Variants in CRACR2A observed in about 807,000 individuals in gnomAD.
CRACR2A encodes the protein calcium release activated channel regulator 2A.
In CRACR2A, 79 loss-of-function variants were observed where a neutral mutation model predicts 90.5. The ratio of observed to expected loss-of-function variants is 0.87; its 90% CI spans 0.73 to 1.05. The LOEUF is 1.05. Ranked by LOEUF, CRACR2A falls within the 50% of genes least tolerant of loss-of-function variation. The pLI is 0.00. For synonymous variants in CRACR2A, 338 were observed against 356.7 expected (o/e 0.95, Z 0.59); for missense variants, 823 against 897.2 (o/e 0.92, Z 1.06).
At chr12:3,738,079 G>A (rs1378001348) in intron 1 of CRACR2A, among the ~76,000 whole-genome samples, 1 of 152,196 alleles carries the variant, frequency 6.6e-6, no homozygotes, top group East Asian at 1.9e-4. Flanking sequence ...AGTGCATTCA[G>A]TACATGTGGG....
At chr12:3,662,623 G>A (rs17697873) in intron 7 of CRACR2A, among the ~76,000 whole-genome samples, 22,319 of 152,200 alleles carry the variant, frequency 0.15, 1,826 homozygotes, top group South Asian at 0.26. Flanking sequence ...AGGATAAAAG[G>A]CCTGCTGGGT....
chr12:3,654,699 G>A (rs758291366), intron 9 of CRACR2A, among the ~76,000 whole-genome samples: 18 of 152,176 alleles, frequency 1.2e-4, no homozygotes, highest in Admixed American at 4.6e-4. Context: ...TCCACAATCC[G>A]TCTGTGTGAA....
At chr12:3,689,232 G>C (rs988291820) in intron 4 of CRACR2A, among the ~76,000 whole-genome samples, 1 of 152,172 alleles carries the variant, frequency 6.6e-6, no homozygotes, top group Non-Finnish European at 1.5e-5. Flanking sequence ...ATAGTATGTT[G>C]AATAGGAGTG....
Position 3,696,796 on chromosome 12 carries a change from G to GC in CRACR2A, c.203dup (p.Phe69LeufsTer12), listed in dbSNP as rs763401174. On this transcript the variant is annotated frameshift_variant, in exon 4 of 20. Coordinates refer to ENST00000440314, the MANE Select transcript of CRACR2A (RefSeq NM_001144958.2). LOFTEE classifies it high-confidence loss of function. ...CCTGCATATCCTTCCTGGCGATGAA[G>GC]CCCTTGCCTTCAGCATCACAGGTCT... is the stretch of plus-strand genomic sequence containing the variant. 6.2e-7 allele frequency: 1 copy of GC among 1,614,184 alleles called. No individual in the cohort carries two copies. Among genetic ancestry groups the GC allele is most frequent in the African/African-American group, 1.3e-5 (1 of 75,042 alleles).
intron 5 of CRACR2A, 123 bp downstream of exon 5, chr12:3,680,115 C>G (rs1262114875): frequency 2.8e-6 from 2 of 713,454 alleles, no homozygotes; most frequent in African/African-American, 3.5e-5. Flanking sequence ...GCTCCAGGTC[C>G]CTGAAAGGAG....
chr12:3,750,691 C>T (rs1946690306), intron 1 of CRACR2A, among the ~76,000 whole-genome samples: 1 of 152,142 alleles, frequency 6.6e-6, no homozygotes, highest in South Asian at 2.1e-4. Flanking sequence ...GAGATGTGAA[C>T]TCAGTGGGTG....
intron 10 of CRACR2A, among the ~76,000 whole-genome samples, chr12:3,653,105 C>T (rs1483582703): frequency 6.6e-6 from 1 of 152,160 alleles, no homozygotes; most frequent in Non-Finnish European, 1.5e-5. Flanking sequence ...GCCTCAGCCT[C>T]CCGAGTAGCT....
chr12:3,725,100 A>G (rs755854541), intron 2 of CRACR2A, among the ~76,000 whole-genome samples: 59 of 152,154 alleles, frequency 3.9e-4, no homozygotes, highest in Non-Finnish European at 7.3e-4. Context: ...CCCTCCAGCC[A>G]GGCCTCCCTG....
At chr12:3,683,530 T>G (rs1362890736) in intron 4 of CRACR2A, among the ~76,000 whole-genome samples, 1 of 152,200 alleles carries the variant, frequency 6.6e-6, no homozygotes, top group East Asian at 1.9e-4. Context: ...CCTCACTCTT[T>G]CTTCACTCTC....
intron 1 of CRACR2A, among the ~76,000 whole-genome samples, chr12:3,749,372 G>A (rs1215033862): frequency 1.3e-5 from 2 of 152,178 alleles, no homozygotes; most frequent in African/African-American, 4.8e-5. Context: ...TGTCCACCTG[G>A]TTATCTCCCT....
At chr12:3,686,326 A>C (rs776464342) in intron 4 of CRACR2A, among the ~76,000 whole-genome samples, 59 of 152,322 alleles carry the variant, frequency 3.9e-4, no homozygotes, top group Admixed American at 6.5e-4. Context: ...TAGCCACGGA[A>C]AACACATAAA....
At chr12:3,723,343 C>T (rs1299546652) in intron 2 of CRACR2A, among the ~76,000 whole-genome samples, 3 of 152,186 alleles carry the variant, frequency 2.0e-5, no homozygotes. Flanking sequence ...GACACTGTTT[C>T]TCTCCATGGT....
At chr12:3,641,405 G>A (rs780023324) in intron 13 of CRACR2A, among the ~76,000 whole-genome samples, 11 of 152,204 alleles carry the variant, frequency 7.2e-5, no homozygotes, top group Non-Finnish European at 1.5e-4. Flanking sequence ...GCAGACAGCA[G>A]TGTAGTGCTA....
chr12:3,666,316 C>T lies in CRACR2A; in HGVS notation c.672-6662G>A, dbSNP rs1229538750. 5.9e-5 allele frequency among the ~76,000 whole-genome samples: 8 copies of T among 136,214 alleles called. No homozygotes were observed. The East Asian group carries it at 1.8e-3, about 30-fold the overall frequency. 89.4% of individuals were successfully genotyped at this position (136,214 alleles called of 152,430 possible). ...ATCTGGTTCTGGCAAATGTCCCTCCCTAAAGGACGGCTGCGTGTGTGTGTG... is the reference window on the plus strand; with the variant it reads ...ATCTGGTTCTGGCAAATGTCCCTCCTTAAAGGACGGCTGCGTGTGTGTGTG... On this transcript the variant is annotated intron_variant, in intron 7 of 19. Coordinates refer to ENST00000440314, the MANE Select transcript of CRACR2A (RefSeq NM_001144958.2).
At position 3,627,533 on chromosome 12, in the gene CRACR2A, T is replaced by G; in HGVS notation, c.1835A>C (p.Gln612Pro). ...ACCATCTGCCTTTCTGAAGAACTGC[T>G]GGGTGATGCACCGGTACCTGCCACA... ...AGQERYRCIT[Q>P]QFFRKADGVI... is the part of the protein sequence containing the mutation. Residue 612 changes from glutamine (Q) to proline (P), a missense_variant, in exon 17 of 20, where the codon CAG (glutamine) becomes CCG (proline). Gln to Pro is a moderately conservative substitution (Grantham distance 76). Coordinates refer to ENST00000440314, the MANE Select transcript of CRACR2A (RefSeq NM_001144958.2). 1 of 1,551,638 alleles carries G rather than the reference T, an allele frequency of 6.4e-7. No homozygotes were observed.
intron 1 of CRACR2A, among the ~76,000 whole-genome samples, chr12:3,745,798 A>AATAAT (rs1946608777): frequency 3.3e-4 from 2 of 6,026 alleles, no homozygotes; most frequent in African/African-American, 9.4e-4. Context: ...AATAAAATAA[A>AATAAT]ATAAAATAAA....
At chr12:3,664,563 A>C (rs1031913412) in intron 7 of CRACR2A, among the ~76,000 whole-genome samples, 1 of 152,196 alleles carries the variant, frequency 6.6e-6, no homozygotes, top group African/African-American at 2.4e-5. Context: ...TTATTACTTC[A>C]AAACATTCCC....
At position 3,680,311 on chromosome 12, in the gene CRACR2A, C is replaced by T. The variant is rs769075331; in HGVS notation, c.267G>A (p.Leu89=). The T allele has an allele frequency of 6.2e-7, 1 of 1,614,202 alleles. No homozygotes were observed. The highest frequency in any genetic ancestry group is 1.1e-5 in the South Asian group (1 of 91,088). The change falls in exon 5 of 20, where the codon CTG becomes CTA. Residue 89 remains leucine (L), a synonymous_variant. Coordinates refer to ENST00000440314, the MANE Select transcript of CRACR2A (RefSeq NM_001144958.2). ...CATCCAGGGCATCAAACACATCCTCCAGTTCCTCCAGGCTGAGCGGTAGCT... is the reference window on the plus strand; with the variant it reads ...CATCCAGGGCATCAAACACATCCTCTAGTTCCTCCAGGCTGAGCGGTAGCT... The part of the protein sequence containing the change: ...HKELPLSLEE[L]EDVFDALDAD...
intron 4 of CRACR2A, among the ~76,000 whole-genome samples, chr12:3,680,714 G>T (rs556187661): frequency 6.6e-6 from 1 of 152,306 alleles, no homozygotes; most frequent in African/African-American, 2.4e-5. Context: ...CTGCTCCAAA[G>T]TCACATGGCT....
Sources: allele counts gnomAD v4.1 joint callset (sites outside exome capture counted in the v4.1 genomes callset), GRCh38; gene constraint gnomAD v4.1.1; transcripts MANE v1.5; gene names NCBI Gene and HGNC (gene_info 2026-07-23, HGNC 2026-07-21).